The following MYO5B variants were observed in gnomAD, a reference collection of about 807,000 sequenced individuals.
MYO5B encodes unconventional myosin-Vb.
A neutral mutation model predicts 229.3 loss-of-function variants in MYO5B; 143 were observed. That is an observed-to-expected ratio of 0.62 (90% CI 0.54 to 0.72). The LOEUF (loss-of-function observed/expected upper bound fraction) is 0.72. Ranked by LOEUF, MYO5B falls within the 30% of genes least tolerant of loss-of-function variation. MYO5B has a pLI of 0.00. For synonymous variants in MYO5B, 918 were observed against 885.2 expected, an observed-to-expected ratio of 1.04 and a Z score of -0.66; for missense variants, 2,321 against 2,331.0, an observed-to-expected ratio of 1.00 and a Z score of 0.09.
At chr18:50,178,813 A>G (rs1467911214) in intron 1 of MYO5B, among the ~76,000 whole-genome samples, 1 of 152,204 alleles carries the variant, frequency 6.6e-6, no homozygotes, top group African/African-American at 2.4e-5. Flanking sequence ...AACTCTCTCC[A>G]CGGCTAGTGT....
chr18:49,880,289 T>G, intron 23 of MYO5B, 82 bp downstream of exon 23: 3 of 1,190,134 alleles, frequency 2.5e-6, no homozygotes, highest in Non-Finnish European at 3.8e-6. Flanking sequence ...TCTAACTGCA[T>G]GCTTGCTAGG....
At chr18:50,094,590 C>T (rs986947467) in intron 1 of MYO5B, among the ~76,000 whole-genome samples, 9 of 152,076 alleles carry the variant, frequency 5.9e-5, no homozygotes, top group African/African-American at 1.9e-4. Context: ...AGAAATGACC[C>T]TTGAGCTACA....
At chr18:50,103,052 C>T (rs1158367253) in intron 1 of MYO5B, among the ~76,000 whole-genome samples, 1 of 152,216 alleles carries the variant, frequency 6.6e-6, no homozygotes, top group East Asian at 1.9e-4. Flanking sequence ...CTTCCCACTT[C>T]TCCCCTGCCC....
chr18:50,164,846 A>G (rs2032820554), intron 1 of MYO5B, among the ~76,000 whole-genome samples: 2 of 152,204 alleles, frequency 1.3e-5, no homozygotes, highest in South Asian at 4.1e-4. Context: ...TTCTATCATA[A>G]GAGTAAAATA....
intron 4 of MYO5B, among the ~76,000 whole-genome samples, chr18:50,023,070 T>C (rs1406863580): frequency 6.6e-6 from 1 of 152,084 alleles, no homozygotes; most frequent in Non-Finnish European, 1.5e-5. Flanking sequence ...TCTAGGCATC[T>C]TCTTTAAGAA....
intron 36 of MYO5B, 105 bp from the exon 37 acceptor site, chr18:49,837,907 CA>C: frequency 2.1e-6 from 3 of 1,416,764 alleles, no homozygotes; most frequent in Admixed American, 1.7e-5. Flanking sequence ...TGATACCATC[CA>C]GAGGTGTGCA....
At chr18:49,901,593 T>A (rs1428230066) in intron 21 of MYO5B, among the ~76,000 whole-genome samples, 1 of 152,256 alleles carries the variant, frequency 6.6e-6, no homozygotes, top group Admixed American at 6.5e-5. Context: ...CTTTCAGCCC[T>A]GTCAGCCCCA....
chr18:50,102,566 A>G lies in MYO5B; in HGVS notation c.28-47188T>C, dbSNP rs117282059. On this transcript the variant is annotated intron_variant, in intron 1 of 39. Coordinates refer to ENST00000285039, the MANE Select transcript of MYO5B (RefSeq NM_001080467.3). ...TAATGCCAGACAAAGAGTTTCCACAATTAGCAAAATACCTCTGATGCAGGG... is the reference window on the plus strand; with the variant it reads ...TAATGCCAGACAAAGAGTTTCCACAGTTAGCAAAATACCTCTGATGCAGGG... Among the ~76,000 whole-genome samples, 87 of 152,270 alleles carry G rather than the reference A, an allele frequency of 5.7e-4. 1 individual carries two copies. The East Asian group carries it at 0.015, about 27-fold the overall frequency.
intron 5 of MYO5B, among the ~76,000 whole-genome samples, chr18:50,001,047 G>T (rs1007632188): frequency 6.6e-6 from 1 of 151,532 alleles, no homozygotes; most frequent in Non-Finnish European, 1.5e-5. Context: ...GAGAATATGA[G>T]GACACTCTAC....
intron 1 of MYO5B, among the ~76,000 whole-genome samples, chr18:50,149,536 C>G (rs2032560756): frequency 6.6e-6 from 1 of 151,632 alleles, no homozygotes; most frequent in Non-Finnish European, 1.5e-5. Context: ...TGCCACATAT[C>G]TACAACCATC....
intron 4 of MYO5B, among the ~76,000 whole-genome samples, chr18:50,018,290 A>ACTTTT (rs371555823): frequency 6.8e-6 from 1 of 146,650 alleles, no homozygotes; most frequent in Non-Finnish European, 1.5e-5. Flanking sequence ...ACATATACCC[A>ACTTTT]TTTTTTTTTT....
chr18:50,138,285 G>C (rs2032366091), intron 1 of MYO5B, among the ~76,000 whole-genome samples: 1 of 152,162 alleles, frequency 6.6e-6, no homozygotes. Context: ...TCTCTATCAA[G>C]CTGAATCACT....
intron 9 of MYO5B, 43 bp from the exon 10 acceptor site, chr18:49,974,658 A>C: frequency 6.3e-7 from 1 of 1,595,564 alleles, no homozygotes; most frequent in South Asian, 1.1e-5. Context: ...AGTGTGGGAG[A>C]CAAGCCGCCC....
At chr18:50,095,913 G>C (rs1432666284) in intron 1 of MYO5B, among the ~76,000 whole-genome samples, 2 of 152,158 alleles carry the variant, frequency 1.3e-5, no homozygotes, top group Admixed American at 1.3e-4. Flanking sequence ...TTTGGAGAGG[G>C]AACAGAATTA....
chr18:50,108,214 C>A lies in MYO5B; in HGVS notation c.28-52836G>T, dbSNP rs187479166. Among the ~76,000 whole-genome samples the A allele has an allele frequency of 1.8e-3, 281 of 152,298 alleles. 2 individuals carry two copies. Among genetic ancestry groups the A allele is most frequent in the African/African-American group, 6.4e-3 (264 of 41,560 alleles). On this transcript the variant is annotated intron_variant, in intron 1 of 39. Transcript: ENST00000285039. The stretch of plus-strand genomic sequence containing the variant: ...TGAGCCATCATGCCCAGCCCATTAT[C>A]CTGTCTCTTGAAATAACTCCTTTGC...
At chr18:50,032,012 T>C (rs201685743) in intron 4 of MYO5B, among the ~76,000 whole-genome samples, 144 of 152,308 alleles carry the variant, frequency 9.5e-4, no homozygotes, top group African/African-American at 3.3e-3. Context: ...GCCAACTTTG[T>C]ACTGTGTTAA....
At chr18:50,140,983 G>C (rs2032409162) in intron 1 of MYO5B, among the ~76,000 whole-genome samples, 1 of 152,174 alleles carries the variant, frequency 6.6e-6, no homozygotes, top group East Asian at 1.9e-4. Flanking sequence ...TGCCAATCAG[G>C]GAAGCTCAAC....
intron 1 of MYO5B, among the ~76,000 whole-genome samples, chr18:50,156,372 T>C (rs2032679533): frequency 6.6e-6 from 1 of 152,200 alleles, no homozygotes; most frequent in Non-Finnish European, 1.5e-5. Context: ...CAGGTGGAGA[T>C]AACTGAATCA....
intron 19 of MYO5B, among the ~76,000 whole-genome samples, chr18:49,905,128 C>T (rs2024885461): frequency 6.6e-6 from 1 of 152,214 alleles, no homozygotes; most frequent in Non-Finnish European, 1.5e-5. Context: ...TTCTACCTCA[C>T]TGTGCCTGGG....
Sources: gnomAD v4.1 joint callset for allele counts (sites outside exome capture counted in the v4.1 genomes callset) on GRCh38, gnomAD v4.1.1 for gene constraint, MANE v1.5 for transcripts, NCBI Gene and HGNC (gene_info 2026-07-23, HGNC 2026-07-21) for gene names.